SPNS2: variants seen among roughly 807,000 people sequenced by gnomAD.
SPNS2 encodes sphingosine-1-phosphate transporter SPNS2.
A neutral mutation model predicts 57.6 loss-of-function variants in SPNS2; 37 were observed. The observed-to-expected ratio is 0.64, with a 90% CI of 0.49 to 0.85. The LOEUF is 0.85. SPNS2 is among the 40% of genes least tolerant of loss of function. The pLI is 0.00. For missense variants in SPNS2, 831 were observed against 779.1 expected, an observed-to-expected ratio of 1.07 and a Z score of -0.79; for synonymous variants, 440 against 346.9, an observed-to-expected ratio of 1.27 and a Z score of -2.98.
In SPNS2 at chr17:4,533,284, G is replaced by A; in HGVS notation, c.1130G>A (p.Gly377Asp). 6.2e-7 allele frequency: 1 copy of A among 1,609,958 alleles called. No homozygotes were observed. Among genetic ancestry groups the A allele is most frequent in the Non-Finnish European group, 8.5e-7 (1 of 1,177,922 alleles). Residue 377 changes from glycine (G) to aspartate (D), a missense_variant, in exon 8 of 13, where the codon GGC becomes GAC. Coordinates refer to ENST00000329078, the MANE Select transcript of SPNS2 (RefSeq NM_001124758.3). ...ATCACCTGCTTTACGGGATTTCTGG[G>A]CGTGGTCACGGGGGCAGGAGCCACG... Reference protein sequence around the residue: ...GAITCFTGFLGVVTGAGATRW... With the variant: ...GAITCFTGFLDVVTGAGATRW...
At chr17:4,504,677 G>T (rs909807663) in intron 1 of SPNS2, among the ~76,000 whole-genome samples, 17 of 152,198 alleles carry the variant, frequency 1.1e-4, no homozygotes, top group East Asian at 3.9e-4. Context: ...GTAGAAGGGG[G>T]ATGAGAGTGA....
chr17:4,533,696 C>A, intron 8 of SPNS2, 92 bp from the exon 9 acceptor site: 1 of 1,438,976 alleles, frequency 6.9e-7, no homozygotes, highest in South Asian at 1.2e-5. Context: ...GTTTTGTGGG[C>A]TCCCTGCCAG....
At chr17:4,525,231 C>T (rs760671006) in intron 3 of SPNS2, 38 bp downstream of exon 3, 16 of 1,606,382 alleles carry the variant, frequency 1.0e-5, no homozygotes, top group Admixed American at 1.7e-5. Context: ...CCCCTGTGTC[C>T]TGGTCCCTCC....
chr17:4,537,522 G>A lies in SPNS2; in HGVS notation c.*74G>A, dbSNP rs537289105. 51 of 456,826 alleles carry A rather than the reference G, an allele frequency of 1.1e-4. No homozygotes were observed. The East Asian group carries it at 2.3e-3, about 21-fold the overall frequency. 28.3% of individuals were successfully genotyped at this position (456,826 alleles called of 1,614,324 possible). ...GAGGTGTCCTACAGCGTCCGGGACC[G>A]GCTGGGCTGCCCCAAAGCTTTCTGT... On this transcript the variant is annotated 3_prime_UTR_variant, in exon 13 of 13. Transcript: ENST00000329078.
At chr17:4,533,546 C>G (rs1460528277) in intron 8 of SPNS2, 114 bp downstream of exon 8, 1 of 1,233,916 alleles carries the variant, frequency 8.1e-7, no homozygotes, top group Non-Finnish European at 1.1e-6. Flanking sequence ...GGGGAGGCTC[C>G]TATTCTCTGG....
chr17:4,501,279 C>G (rs8068460), intron 1 of SPNS2, among the ~76,000 whole-genome samples: 22,689 of 152,108 alleles, frequency 0.15, 1,922 homozygotes, highest in Non-Finnish European at 0.18. Context: ...CAGACCACCC[C>G]CTTTGACGTT....
Position 4,511,586 on chromosome 17 carries a change from G to A in SPNS2, c.371-1661G>A, listed in dbSNP as rs1322606691. On this transcript the variant is annotated intron_variant, in intron 1 of 12. Transcript: ENST00000329078. The surrounding 1 kb of genome is among the most constrained non-coding windows in gnomAD (Gnocchi z 4.6). ...TGGGGCTGGGTCAGGGCACCTCAGAGGTCCCTCTTGCTGGCTCTGCCATCC... is the reference window on the plus strand; with the variant it reads ...TGGGGCTGGGTCAGGGCACCTCAGAAGTCCCTCTTGCTGGCTCTGCCATCC... 6.6e-6 allele frequency among the ~76,000 whole-genome samples: 1 copy of A among 152,200 alleles called. No individual in the cohort carries two copies. The highest frequency in any genetic ancestry group is 2.4e-5 in the African/African-American group (1 of 41,436).
intron 3 of SPNS2, among the ~76,000 whole-genome samples, 158 bp from the exon 4 acceptor site, chr17:4,530,474 G>A (rs1330724658): frequency 6.6e-6 from 1 of 152,146 alleles, no homozygotes; most frequent in Non-Finnish European, 1.5e-5. Context: ...GGAGTGGCTG[G>A]GGGAGGTGGT....
chr17:4,518,768 TC>T (rs1490283367), intron 2 of SPNS2, among the ~76,000 whole-genome samples: 1 of 152,176 alleles, frequency 6.6e-6, no homozygotes, highest in East Asian at 1.9e-4. Context: ...CTGCCTGTTC[TC>T]CCCTCCCGTC....
intron 2 of SPNS2, among the ~76,000 whole-genome samples, chr17:4,518,926 G>A (rs750528500): frequency 2.0e-5 from 3 of 152,224 alleles, no homozygotes; most frequent in Admixed American, 6.5e-5. Flanking sequence ...CCCAACACAA[G>A]GTTTACATCC....
chr17:4,517,385 C>T (rs558044656), intron 2 of SPNS2, among the ~76,000 whole-genome samples: 7 of 152,334 alleles, frequency 4.6e-5, no homozygotes, highest in Middle Eastern at 6.8e-3. Flanking sequence ...AGGCCAGGCG[C>T]GGTGGCTCAC....
rs752344334 is a variant in SPNS2 at position 4,525,202 on chromosome 17, C to G, written c.573+9C>G. On this transcript the variant is annotated intron_variant, in intron 3 of 12. Coordinates refer to ENST00000329078, the MANE Select transcript of SPNS2 (RefSeq NM_001124758.3). Reference sequence around the variant, plus strand: ...CCTTCATTCCCCAGCAGGTGAGGCCCGGCTCGGCTTCTCCCCGACCCCTGT... The same window carrying G: ...CCTTCATTCCCCAGCAGGTGAGGCCGGGCTCGGCTTCTCCCCGACCCCTGT... The G allele has an allele frequency of 1.2e-6, 2 of 1,613,622 alleles. No individual in the cohort carries two copies. Among genetic ancestry groups the G allele is most frequent in the Non-Finnish European group, 1.7e-6 (2 of 1,179,894 alleles).
At chr17:4,515,337 A>G (rs1223864902) in intron 2 of SPNS2, among the ~76,000 whole-genome samples, 2 of 152,146 alleles carry the variant, frequency 1.3e-5, no homozygotes, top group African/African-American at 4.8e-5. Flanking sequence ...AAGACAGGGA[A>G]ATGGCTTGCT....
intron 9 of SPNS2, chr17:4,534,268 C>T: frequency 7.8e-6 from 2 of 257,402 alleles, no homozygotes; most frequent in South Asian, 1.0e-4. Context: ...CAGAGGCTGT[C>T]TTCACAGGGC....
chr17:4,538,615 TGGTTCTGGTGCGG>T lies in SPNS2; in HGVS notation c.*1170_*1182del, dbSNP rs1180928881. 2.2e-6 allele frequency: 1 copy of T among 459,368 alleles called. No homozygotes were observed. The highest frequency in any genetic ancestry group is 2.0e-5 in the African/African-American group (1 of 50,270). 28.5% of individuals were successfully genotyped at this position (459,368 alleles called of 1,614,324 possible). On this transcript the variant is annotated 3_prime_UTR_variant, in exon 13 of 13. Coordinates refer to ENST00000329078, the MANE Select transcript of SPNS2 (RefSeq NM_001124758.3). The stretch of plus-strand genomic sequence containing the variant: ...CCCTGCACTTCTGCTGCAATCAAGG[TGGTTCTGGTGCGG>T]GGGTGGGGTGGGGGGTGAGGCCTTG...
rs776891334 is a variant in SPNS2 at position 4,537,748 on chromosome 17, G to A, written c.*300G>A. The A allele has an allele frequency of 4.4e-6, 2 of 456,584 alleles. No individual in the cohort carries two copies. Among genetic ancestry groups the A allele is most frequent in the South Asian group, 1.5e-5 (1 of 64,574 alleles). 28.3% of individuals were successfully genotyped at this position (456,584 alleles called of 1,614,324 possible). On this transcript the variant is annotated 3_prime_UTR_variant, in exon 13 of 13. Transcript: ENST00000329078. ...ACAGCCCCAAGTGGGTGTCCGGGGA[G>A]AGCCTGGCCTGCCACCAGCTTATGT... is the stretch of plus-strand genomic sequence containing the variant.
At chr17:4,507,735 T>G (rs1368733810) in intron 1 of SPNS2, among the ~76,000 whole-genome samples, 1 of 152,240 alleles carries the variant, frequency 6.6e-6, no homozygotes, top group Non-Finnish European at 1.5e-5. Flanking sequence ...GGGCTGATAC[T>G]GACTGTGCTT....
rs932481120 is a variant in SPNS2 at position 4,537,672 on chromosome 17, G to A, written c.*224G>A. 2 of 456,666 alleles carry A rather than the reference G, an allele frequency of 4.4e-6. No individual in the cohort carries two copies. Among genetic ancestry groups the A allele is most frequent in the Non-Finnish European group, 8.8e-6 (2 of 226,990 alleles). 28.3% of individuals were successfully genotyped at this position (456,666 alleles called of 1,614,324 possible). On this transcript the variant is annotated 3_prime_UTR_variant, in exon 13 of 13. Transcript: ENST00000329078. Reference sequence around the variant, plus strand: ...TGTGTTGGAGCCACACGGTTGGACAGGTTCCCAGCCCTAGGTTTGGGCCGC... The same window carrying A: ...TGTGTTGGAGCCACACGGTTGGACAAGTTCCCAGCCCTAGGTTTGGGCCGC...
chr17:4,517,139 T>C (rs1691701230), intron 2 of SPNS2, among the ~76,000 whole-genome samples: 1 of 152,156 alleles, frequency 6.6e-6, no homozygotes, highest in Admixed American at 6.5e-5. Context: ...GTTTTTCTGG[T>C]AGAGTTCCCT....
Sources: gnomAD v4.1 joint callset for allele counts (sites outside exome capture counted in the v4.1 genomes callset) on GRCh38, gnomAD v4.1.1 for gene constraint, Gnocchi (gnomAD v3.1) non-coding constraint, MANE v1.5 for transcripts, NCBI Gene and HGNC (gene_info 2026-07-23, HGNC 2026-07-21) for gene names.